Variants in TMPRSS9 observed in about 807,000 individuals in gnomAD.
TMPRSS9 encodes the protein transmembrane serine protease 9, also known as transmembrane protease serine 9.
TMPRSS9 carries 113 observed loss-of-function variants against 111.4 expected under a neutral mutation model. That is an observed-to-expected ratio of 1.01 (90% CI 0.87 to 1.19). The LOEUF is 1.19. Ranked by LOEUF, TMPRSS9 falls within the 50% of genes most tolerant of loss-of-function variation. TMPRSS9 has a pLI of 0.00. For missense variants in TMPRSS9, 1,803 were observed against 1,513.1 expected, an observed-to-expected ratio of 1.19 and a Z score of -3.18; for synonymous variants, 805 against 659.1, an observed-to-expected ratio of 1.22 and a Z score of -3.39.
At chr19:2,389,974 G>A (rs1251224704) in intron 1 of TMPRSS9, 47 bp downstream of exon 2, 1 of 1,578,634 alleles carries the variant, frequency 6.3e-7, no homozygotes, top group Non-Finnish European at 8.7e-7. Flanking sequence ...AGGGACATGT[G>A]CAAAGTCACC....
chr19:2,420,364 C>T (rs1971435270), intron 13 of TMPRSS9, among the ~76,000 whole-genome samples: 1 of 150,572 alleles, frequency 6.6e-6, no homozygotes, highest in Non-Finnish European at 1.5e-5. Context: ...ATTGCTTGAG[C>T]CCAGGAGGCG....
intron 9 of TMPRSS9, among the ~76,000 whole-genome samples, chr19:2,410,851 C>T (rs895549532): frequency 6.6e-6 from 1 of 152,150 alleles, no homozygotes; most frequent in African/African-American, 2.4e-5. Context: ...TACAACGTGG[C>T]ACCCAAGAAA....
intron 10 of TMPRSS9, among the ~76,000 whole-genome samples, chr19:2,415,301 C>T (rs1230585069): frequency 2.0e-5 from 3 of 152,152 alleles, no homozygotes; most frequent in South Asian, 2.1e-4. Flanking sequence ...CCCTAACAAT[C>T]GTACCCTTCC....
intron 1 of TMPRSS9, among the ~76,000 whole-genome samples, chr19:2,384,491 C>G (rs1335065430): frequency 6.6e-6 from 1 of 151,560 alleles, no homozygotes; most frequent in Non-Finnish European, 1.5e-5. Context: ...GCCAACATGG[C>G]GAAACCCCAT....
chr19:2,416,330 G>A lies in TMPRSS9; in HGVS notation c.1746-208G>A, dbSNP rs887801415. The A allele has an allele frequency of 4.0e-5, 26 of 645,820 alleles. No individual in the cohort carries two copies. The Admixed American group carries it at 5.9e-4, about 15-fold the overall frequency. 40.0% of individuals were successfully genotyped at this position (645,820 alleles called of 1,614,324 possible). A position where few individuals can be genotyped will look rare whatever the true frequency, so the allele number is the denominator to read the frequency against. On this transcript the variant is annotated intron_variant, in intron 11 of 17. Coordinates refer to ENST00000648592, the Ensembl canonical transcript of TMPRSS9. ...AGCCTGAGGGTCCCCTGACTTGTCCGAGGTCCCCCAGCTTGGGATCCTTTT... is the reference window on the plus strand; with the variant it reads ...AGCCTGAGGGTCCCCTGACTTGTCCAAGGTCCCCCAGCTTGGGATCCTTTT...
exon 1 of TMPRSS9, chr19:2,389,789 G>A (rs1970546662): frequency 6.2e-7 from 1 of 1,612,508 alleles, no homozygotes; most frequent in Non-Finnish European, 8.5e-7. Context: ...CTGAGCCATG[G>A]AGCCCACTGT....
intron 1 of TMPRSS9, among the ~76,000 whole-genome samples, chr19:2,363,549 G>A (rs930426054): frequency 5.3e-5 from 8 of 151,864 alleles, no homozygotes; most frequent in Non-Finnish European, 1.0e-4. Flanking sequence ...GAGGGAGTGA[G>A]GTCGCGTGAT....
At chr19:2,422,613 C>A (rs890461938) in intron 14 of TMPRSS9, among the ~76,000 whole-genome samples, 1 of 151,794 alleles carries the variant, frequency 6.6e-6, no homozygotes, top group Non-Finnish European at 1.5e-5. Context: ...TGGCTGGGCG[C>A]GGTGGCTCAT....
intron 1 of TMPRSS9, among the ~76,000 whole-genome samples, chr19:2,371,268 C>T (rs1249088882): frequency 1.3e-5 from 2 of 152,198 alleles, no homozygotes; most frequent in African/African-American, 4.8e-5. Flanking sequence ...CACAGTCACT[C>T]GTGGCTCTGC....
chr19:2,407,414 T>G (rs1970989463), intron 7 of TMPRSS9, among the ~76,000 whole-genome samples: 1 of 151,286 alleles, frequency 6.6e-6, no homozygotes, highest in South Asian at 2.1e-4. Flanking sequence ...GTCATCCCAG[T>G]TACTTGGGAG....
At chr19:2,417,877 CTG>C in intron 12 of TMPRSS9, 123 bp from the exon 14 acceptor site, 1 of 1,330,564 alleles carries the variant, frequency 7.5e-7, no homozygotes, top group Non-Finnish European at 1.0e-6. Context: ...TCCTGCAACT[CTG>C]TGAGCCCTGG....
At chr19:2,419,075 C>G (rs1295430300) in intron 13 of TMPRSS9, among the ~76,000 whole-genome samples, 2 of 59,862 alleles carry the variant, frequency 3.3e-5, no homozygotes, top group Admixed American at 1.8e-4. Context: ...CCCTCCCGCC[C>G]TCTCCTTCCC....
chr19:2,378,731 C>A (rs1490678616), intron 1 of TMPRSS9, among the ~76,000 whole-genome samples: 1 of 152,064 alleles, frequency 6.6e-6, no homozygotes, highest in African/African-American at 2.4e-5. Context: ...ACAAAACCTA[C>A]CTGAGACTAG....
At chr19:2,363,799 T>TGCGCGCGC (rs1568464301) in intron 1 of TMPRSS9, among the ~76,000 whole-genome samples, 16 of 129,674 alleles carry the variant, frequency 1.2e-4, no homozygotes, top group African/African-American at 4.5e-4. Flanking sequence ...AGTGTGTGTG[T>TGCGCGCGC]GTGTGCGTGC....
At chr19:2,395,576 G>C (rs553100675) in intron 1 of TMPRSS9, among the ~76,000 whole-genome samples, 214 of 152,238 alleles carry the variant, frequency 1.4e-3, no homozygotes, top group African/African-American at 4.8e-3. Context: ...GCTGGGTATG[G>C]TGGTGCATGC....
At chr19:2,400,130 G>T (rs1012309679) in intron 4 of TMPRSS9, among the ~76,000 whole-genome samples, 1 of 152,262 alleles carries the variant, frequency 6.6e-6, no homozygotes, top group Non-Finnish European at 1.5e-5. Context: ...ATGAATAGGT[G>T]TGGCTGTTTA....
intron 7 of TMPRSS9, among the ~76,000 whole-genome samples, chr19:2,407,371 A>C (rs1158317079): frequency 1.3e-5 from 2 of 151,386 alleles, no homozygotes; most frequent in Non-Finnish European, 2.9e-5. Flanking sequence ...AAAACACACA[A>C]AAAAATTAGT....
chr19:2,398,222 A>C (rs1288186462), intron 2 of TMPRSS9, among the ~76,000 whole-genome samples: 1 of 146,814 alleles, frequency 6.8e-6, no homozygotes, highest in South Asian at 2.2e-4. Flanking sequence ...CTTGAACCTG[A>C]GAGACGGAAG....
chr19:2,382,681 A>G (rs1229908980), intron 1 of TMPRSS9, among the ~76,000 whole-genome samples: 4 of 59,002 alleles, frequency 6.8e-5, no homozygotes, highest in Admixed American at 2.7e-4. Flanking sequence ...GTGCACACAT[A>G]CACACATGCA....
Sources: gnomAD v4.1 joint callset for allele counts (sites outside exome capture counted in the v4.1 genomes callset) on GRCh38, gnomAD v4.1.1 for gene constraint, MANE v1.5 for transcripts, NCBI Gene and HGNC (gene_info 2026-07-23, HGNC 2026-07-21) for gene names.